EXOC1: variants seen among roughly 807,000 people sequenced by gnomAD.
EXOC1 encodes exocyst complex component 1.
In EXOC1, 67 loss-of-function variants were observed where a neutral mutation model predicts 107.7. The observed-to-expected ratio is 0.62, with a 90% CI of 0.51 to 0.76. The LOEUF is 0.76. Among genes scored for constraint, EXOC1 ranks in the 30% least tolerant of loss-of-function variants. The pLI is 0.00. For missense variants in EXOC1, 833 were observed against 1,055.7 expected, an observed-to-expected ratio of 0.79 and a Z score of 2.92; for synonymous variants, 348 against 353.5, an observed-to-expected ratio of 0.98 and a Z score of 0.17.
intron 17 of EXOC1, 74 bp downstream of exon 17, chr4:55,899,958 AG>A: frequency 7.7e-7 from 1 of 1,296,880 alleles, no homozygotes; most frequent in Admixed American, 2.4e-5. Flanking sequence ...AATAACCTGC[AG>A]ACATTTATCT....
At position 55,864,453 on chromosome 4, in the gene EXOC1, C is replaced by A. The variant is rs371939898; in HGVS notation, c.415+67C>A. 2.7e-5 allele frequency: 35 copies of A among 1,292,056 alleles called. No homozygotes were observed. In the South Asian group the frequency reaches 4.3e-4, roughly 16 times the overall value. 80.0% of individuals were successfully genotyped at this position (1,292,056 alleles called of 1,614,324 possible). On this transcript the variant is annotated intron_variant, in intron 4 of 18. Coordinates refer to ENST00000381295, the MANE Select transcript of EXOC1 (RefSeq NM_001024924.2). ...TTTAAGTGAATATATAATTTGACAT[C>A]ATTCAAATTAATTAGAATACTGAAT...
chr4:55,880,163 T>G (rs1723263827), intron 9 of EXOC1, among the ~76,000 whole-genome samples: 1 of 152,148 alleles, frequency 6.6e-6, no homozygotes, highest in Non-Finnish European at 1.5e-5. Flanking sequence ...TATGTATCAG[T>G]TTTCATGTAT....
rs1577777204 is a variant in EXOC1, at chr4:55,896,579, T to A, written c.1954-138T>A. The A allele has an allele frequency of 5.0e-6, 3 of 600,366 alleles. No individual in the cohort carries two copies. The East Asian group carries it at 1.0e-4, about 21-fold the overall frequency. 37.2% of individuals were successfully genotyped at this position (600,366 alleles called of 1,614,324 possible). A position where few individuals can be genotyped will look rare whatever the true frequency, so the allele number is the denominator to read the frequency against. On this transcript the variant is annotated intron_variant, in intron 15 of 18. Transcript: ENST00000381295. ...CTTCAATTAGTAAGCATCCAAAGTG[T>A]TCTAGGTACCACATAATATCCTGCC...
intron 1 of EXOC1, among the ~76,000 whole-genome samples, chr4:55,855,751 T>C (rs1439975664): frequency 6.6e-6 from 1 of 152,078 alleles, no homozygotes; most frequent in Non-Finnish European, 1.5e-5. Flanking sequence ...GAAAAGAAGG[T>C]TGCATGAACA....
intron 15 of EXOC1, among the ~76,000 whole-genome samples, chr4:55,895,799 G>A (rs115275929): frequency 0.054 from 7,969 of 146,708 alleles, 307 homozygotes; most frequent in Non-Finnish European, 0.082. Context: ...GCAGTTTGTG[G>A]AACTAAGGCT....
chr4:55,869,147 C>T lies in EXOC1; in HGVS notation c.603+624C>T, dbSNP rs545955314. On this transcript the variant is annotated intron_variant, in intron 5 of 18. Transcript: ENST00000381295. The stretch of plus-strand genomic sequence containing the variant: ...TTCGGAGACTGAGGCGAGCAGATCA[C>T]CTGAGGTCAGGAATTCGAGACGAGC... 2.0e-5 allele frequency among the ~76,000 whole-genome samples: 3 copies of T among 152,178 alleles called. No homozygotes were observed. In the South Asian group the frequency reaches 6.2e-4, roughly 32 times the overall value.
intron 4 of EXOC1, among the ~76,000 whole-genome samples, chr4:55,868,023 T>G (rs1560334825): frequency 6.6e-6 from 1 of 152,216 alleles, no homozygotes; most frequent in East Asian, 1.9e-4. Flanking sequence ...TGTTCCCACC[T>G]GTTTTTGTAT....
chr4:55,868,273 G>T (rs1462195831), intron 4 of EXOC1, 63 bp from the exon 5 acceptor site: 1 of 1,406,892 alleles, frequency 7.1e-7, no homozygotes, highest in African/African-American at 1.4e-5. Flanking sequence ...CTACCTATAT[G>T]TATTATGTTA....
At chr4:55,863,848 A>C (rs1161440781) in intron 3 of EXOC1, among the ~76,000 whole-genome samples, 1 of 152,220 alleles carries the variant, frequency 6.6e-6, no homozygotes, top group African/African-American at 2.4e-5. Context: ...TACATTATTA[A>C]AGAAAATGTA....
At position 55,853,941 on chromosome 4, in the gene EXOC1, C is replaced by A. The variant is rs1476139907; in HGVS notation, c.-23C>A. 13 of 152,492 alleles carry A rather than the reference C, an allele frequency of 8.5e-5. No individual in the cohort carries two copies. The highest frequency in any genetic ancestry group is 1.9e-4 in the Non-Finnish European group (13 of 68,280). The allele number at this position is 152,492 out of a possible 1,614,324, so 9.4% of individuals were successfully genotyped here. A position where few individuals can be genotyped will look rare whatever the true frequency, so the allele number is the denominator to read the frequency against. On this transcript the variant is annotated 5_prime_UTR_variant, in exon 1 of 19. Coordinates refer to ENST00000381295, the MANE Select transcript of EXOC1 (RefSeq NM_001024924.2). ...CACCGCTCCTTCTGACCTTCCTTTC[C>A]CCGTTTGTCCCGGTAAGACGAAGTT...
rs549963314 is a variant in EXOC1 at position 55,876,518 on chromosome 4, T to C, written c.1075-1399T>C. 1.7e-5 allele frequency: 15 copies of C among 877,094 alleles called. No individual in the cohort carries two copies. In the African/African-American group the frequency reaches 2.7e-4, roughly 16 times the overall value. The allele number at this position is 877,094 out of a possible 1,614,324, so 54.3% of individuals were successfully genotyped here. Reference sequence around the variant, plus strand: ...TCACATTTTACCATCAAAATTGTTTTGGTGCCAAGCTTAGTCTGAGTTTTC... The same window carrying C: ...TCACATTTTACCATCAAAATTGTTTCGGTGCCAAGCTTAGTCTGAGTTTTC... On this transcript the variant is annotated intron_variant, in intron 8 of 18. Coordinates refer to ENST00000381295, the MANE Select transcript of EXOC1 (RefSeq NM_001024924.2).
intron 8 of EXOC1, chr4:55,876,419 C>A: frequency 1.4e-6 from 1 of 701,440 alleles, no homozygotes; most frequent in Non-Finnish European, 1.8e-6. Flanking sequence ...ATAATCACTC[C>A]AAGCACATGT....
chr4:55,864,746 C>T (rs1721800002), intron 4 of EXOC1, among the ~76,000 whole-genome samples: 1 of 152,106 alleles, frequency 6.6e-6, no homozygotes, highest in Non-Finnish European at 1.5e-5. Flanking sequence ...ATACTTACCC[C>T]AACATTATTT....
chr4:55,890,091 G>T, intron 11 of EXOC1, 132 bp from the exon 12 acceptor site: 1 of 749,396 alleles, frequency 1.3e-6, no homozygotes, highest in Non-Finnish European at 2.1e-6. Context: ...ATCCCTTATA[G>T]AAGATTTGTG....
At chr4:55,857,205 G>A (rs1315193505) in intron 1 of EXOC1, among the ~76,000 whole-genome samples, 1 of 79,366 alleles carries the variant, frequency 1.3e-5, no homozygotes, top group Non-Finnish European at 2.2e-5. Flanking sequence ...TGGAGACAGA[G>A]TCTGGCTCTG....
intron 16 of EXOC1, among the ~76,000 whole-genome samples, chr4:55,898,806 C>T (rs568647208): frequency 2.0e-5 from 3 of 152,204 alleles, no homozygotes; most frequent in African/African-American, 7.2e-5. Context: ...TTAATGATTG[C>T]ATAGTCATCC....
chr4:55,880,843 C>T lies in EXOC1; in HGVS notation c.1224+2777C>T, dbSNP rs537109509. Among the ~76,000 whole-genome samples the T allele has an allele frequency of 9.2e-5, 14 of 152,182 alleles. No individual in the cohort carries two copies. In the East Asian group the frequency reaches 9.6e-4, roughly 10 times the overall value. ...AATTGACTTTTTCCCAGGAATGTTG[C>T]GTCATCCTGTGATTTGAGCTTTTCA... On this transcript the variant is annotated intron_variant, in intron 9 of 18. Transcript: ENST00000381295.
At chr4:55,869,549 A>T (rs1722244007) in intron 5 of EXOC1, among the ~76,000 whole-genome samples, 1 of 152,206 alleles carries the variant, frequency 6.6e-6, no homozygotes, top group Non-Finnish European at 1.5e-5. Context: ...TACAGAAGTT[A>T]TGGGGTCTGA....
chr4:55,868,237 A>T, intron 4 of EXOC1, 99 bp from the exon 5 acceptor site: 1 of 907,330 alleles, frequency 1.1e-6, no homozygotes, highest in Non-Finnish European at 1.5e-6. Flanking sequence ...TCAGCTGCTA[A>T]ATGTGACCTG....
Sources: gnomAD v4.1 joint callset for allele counts (sites outside exome capture counted in the v4.1 genomes callset) on GRCh38, gnomAD v4.1.1 for gene constraint, MANE v1.5 for transcripts, NCBI Gene and HGNC (gene_info 2026-07-23, HGNC 2026-07-21) for gene names.